Variants in SDK1 observed in about 807,000 individuals in gnomAD.
SDK1 encodes sidekick cell adhesion molecule 1.
SDK1 carries 157 observed loss-of-function variants against 245.5 expected under a neutral mutation model. That is an observed-to-expected ratio of 0.64 (90% CI 0.56 to 0.73). The LOEUF (loss-of-function observed/expected upper bound fraction) is 0.73. Ranked by LOEUF, SDK1 falls within the 30% of genes least tolerant of loss-of-function variation. The probability of loss-of-function intolerance (pLI) is 0.00; values close to 1 mark genes in which losing one functional copy is unlikely to be tolerated. For missense variants in SDK1, 3,583 were observed against 3,002.3 expected (o/e 1.19, Z -4.52); for synonymous variants, 1,647 against 1,278.5 (o/e 1.29, Z -6.15).
intron 4 of SDK1, among the ~76,000 whole-genome samples, chr7:3,742,105 A>T (rs904455645): frequency 6.7e-6 from 1 of 150,340 alleles, no homozygotes; most frequent in African/African-American, 2.5e-5. Flanking sequence ...TTTTGTTTTC[A>T]TACATCTGGT....
intron 5 of SDK1, among the ~76,000 whole-genome samples, chr7:3,909,591 C>T (rs1017181147): frequency 3.3e-5 from 5 of 152,250 alleles, no homozygotes; most frequent in African/African-American, 1.2e-4. Context: ...ACACCCACTA[C>T]AGTGTTGAGC....
At chr7:3,733,423 A>G (rs1779234223) in intron 4 of SDK1, among the ~76,000 whole-genome samples, 1 of 152,172 alleles carries the variant, frequency 6.6e-6, no homozygotes. Flanking sequence ...GAAACTACAG[A>G]TAATAAGAAT....
intron 1 of SDK1, among the ~76,000 whole-genome samples, chr7:3,424,055 G>C (rs1779606600): frequency 6.6e-6 from 1 of 151,910 alleles, no homozygotes; most frequent in Non-Finnish European, 1.5e-5. Context: ...CGGACTACAG[G>C]TGCGCGCCAC....
rs13246563 is a variant in SDK1, at chr7:3,398,611, C to A, written c.298+96727C>A. Among the ~76,000 whole-genome samples the A allele has an allele frequency of 4.5e-4, 69 of 151,674 alleles. 1 individual carries two copies. The highest frequency in any genetic ancestry group is 1.6e-4 in the Non-Finnish European group (11 of 67,864). ...TGCATTTTGGCATGCTTACTTTTCC[C>A]CTTGCCCTTGCTGAGCACATGATTT... On this transcript the variant is annotated intron_variant, in intron 1 of 44. Coordinates refer to ENST00000404826, the MANE Select transcript of SDK1 (RefSeq NM_152744.4).
At chr7:3,834,964 C>G (rs1167266738) in intron 5 of SDK1, among the ~76,000 whole-genome samples, 1 of 152,154 alleles carries the variant, frequency 6.6e-6, no homozygotes, top group Admixed American at 6.5e-5. Flanking sequence ...TTTTGGCTCT[C>G]CTCGTCCCAA....
At chr7:4,243,026 C>T (rs538521405) in intron 43 of SDK1, among the ~76,000 whole-genome samples, 1 of 152,336 alleles carries the variant, frequency 6.6e-6, no homozygotes, top group Non-Finnish European at 1.5e-5. Context: ...TCACACCTTT[C>T]ATTTCATTTG....
intron 1 of SDK1, among the ~76,000 whole-genome samples, chr7:3,566,238 T>C (rs1195256177): frequency 1.3e-5 from 2 of 150,044 alleles, no homozygotes; most frequent in Non-Finnish European, 3.0e-5. Context: ...TTTTTTTTTT[T>C]TTTTGAGATG....
At chr7:3,620,339 G>C (rs899291100) in intron 2 of SDK1, among the ~76,000 whole-genome samples, 1 of 150,378 alleles carries the variant, frequency 6.6e-6, no homozygotes, top group African/African-American at 2.5e-5. Flanking sequence ...TTTCACTCTT[G>C]TTGCCCAGGC....
intron 1 of SDK1, among the ~76,000 whole-genome samples, chr7:3,555,467 C>G (rs905935028): frequency 1.3e-5 from 2 of 152,202 alleles, no homozygotes; most frequent in South Asian, 2.1e-4. Flanking sequence ...GATTATGAAA[C>G]TAGTAAAAGA....
At position 4,139,585 on chromosome 7, in the gene SDK1, G is replaced by A. The variant is rs182041594; in HGVS notation, c.4229-6137G>A. The stretch of plus-strand genomic sequence containing the variant: ...TATGTGTGTATATGTGTGTGTGTAT[G>A]TGTGTGTATATGTATATATGTGTGT... On this transcript the variant is annotated intron_variant, in intron 28 of 44. Transcript: ENST00000404826. 2.1e-3 allele frequency among the ~76,000 whole-genome samples: 100 copies of A among 48,290 alleles called. 7 individuals carry two copies. Among genetic ancestry groups the A allele is most frequent in the African/African-American group, 3.9e-3 (60 of 15,402 alleles). The allele number at this position is 48,290 out of a possible 152,430, so 31.7% of individuals were successfully genotyped here. A position where few individuals can be genotyped will look rare whatever the true frequency, so the allele number is the denominator to read the frequency against.
chr7:4,129,933 A>G lies in SDK1; in HGVS notation c.3965A>G (p.Asp1322Gly). ...ATCCTGTTCCGGGCCAAAGACCTGG[A>G]TCCCGAGCCCAGGAGCCACATCGTG... ...YKILFRAKDL[D>G]PEPRSHIVRG... Residue 1322 changes from aspartate (D) to glycine (G), a missense_variant, in exon 27 of 45, where the codon GAT becomes GGT. Asp to Gly is a moderately conservative substitution (Grantham distance 94). Transcript: ENST00000404826. 1 of 1,613,744 alleles carries G rather than the reference A, an allele frequency of 6.2e-7. No individual in the cohort carries two copies. Among genetic ancestry groups the G allele is most frequent in the Non-Finnish European group, 8.5e-7 (1 of 1,179,924 alleles).
chr7:3,436,199 G>A (rs1780017678), intron 1 of SDK1, among the ~76,000 whole-genome samples: 1 of 152,040 alleles, frequency 6.6e-6, no homozygotes, highest in African/African-American at 2.4e-5. Flanking sequence ...ACATTTGATG[G>A]ACTTAGTGGA....
At chr7:3,951,382 C>T (rs1027732523) in intron 6 of SDK1, among the ~76,000 whole-genome samples, 1 of 152,126 alleles carries the variant, frequency 6.6e-6, no homozygotes, top group Admixed American at 6.5e-5. Flanking sequence ...ACTTAGCGGT[C>T]GCTCCAGAAT....
chr7:4,039,338 C>G (rs1415860743), intron 17 of SDK1, among the ~76,000 whole-genome samples: 6 of 151,892 alleles, frequency 4.0e-5, no homozygotes, highest in Non-Finnish European at 8.8e-5. Flanking sequence ...GGGAAAATAT[C>G]TCTCTATAAA....
intron 22 of SDK1, among the ~76,000 whole-genome samples, chr7:4,102,453 C>A (rs1475210216): frequency 6.6e-6 from 1 of 152,204 alleles, no homozygotes; most frequent in East Asian, 1.9e-4. Flanking sequence ...TCTGGAGCAT[C>A]TTTTTCTCCT....
chr7:3,398,171 A>G lies in SDK1; in HGVS notation c.298+96287A>G, dbSNP rs114503106. Among the ~76,000 whole-genome samples the G allele has an allele frequency of 3.2e-3, 489 of 152,084 alleles. 4 individuals carry two copies. Among genetic ancestry groups the G allele is most frequent in the African/African-American group, 0.011 (461 of 41,516 alleles). On this transcript the variant is annotated intron_variant, in intron 1 of 44. Coordinates refer to ENST00000404826, the MANE Select transcript of SDK1 (RefSeq NM_152744.4). ...TGTAACTGTAGGTTTCACAGGCTTT[A>G]GTTTCCCGTAGTATCCTTGCTTTTT...
chr7:4,206,403 C>G (rs543584137), intron 36 of SDK1, among the ~76,000 whole-genome samples: 39 of 152,224 alleles, frequency 2.6e-4, no homozygotes, highest in South Asian at 6.2e-4. Context: ...CCCAGCTCCC[C>G]CCTTGGTCAC....
chr7:3,497,403 A>G (rs187641569), intron 1 of SDK1, among the ~76,000 whole-genome samples: 17 of 152,302 alleles, frequency 1.1e-4, no homozygotes, highest in Non-Finnish European at 1.3e-4. Context: ...GATGTTTATC[A>G]GTCTTTTTGT....
intron 14 of SDK1, among the ~76,000 whole-genome samples, chr7:3,996,355 T>A (rs1784699788): frequency 6.6e-6 from 1 of 152,250 alleles, no homozygotes; most frequent in South Asian, 2.1e-4. Context: ...AATTTTGTTA[T>A]TACTTGTCAT....
Sources: allele counts gnomAD v4.1 joint callset (sites outside exome capture counted in the v4.1 genomes callset), GRCh38; gene constraint gnomAD v4.1.1; transcripts MANE v1.5; gene names NCBI Gene and HGNC (gene_info 2026-07-23, HGNC 2026-07-21).